TMC4: variants seen among roughly 807,000 people sequenced by gnomAD.
TMC4 encodes the protein voltage-gated chloride channel TMC4.
In TMC4, 70 loss-of-function variants were observed where a neutral mutation model predicts 82.0. The ratio of observed to expected loss-of-function variants is 0.85; its 90% confidence interval spans 0.70 to 1.04. TMC4 has a LOEUF of 1.04. Among genes scored for constraint, TMC4 ranks in the 50% least tolerant of loss-of-function variants. The probability of loss-of-function intolerance (pLI) is 0.00; values close to 1 mark genes in which losing one functional copy is unlikely to be tolerated. For missense variants in TMC4, 879 were observed against 899.0 expected (o/e 0.98, Z 0.28); for synonymous variants, 446 against 406.0 (o/e 1.10, Z -1.18).
Position 54,160,285 on chromosome 19 carries a change from G to C in TMC4, c.*21C>G, listed in dbSNP as rs377415602. 4.6e-6 allele frequency: 7 copies of C among 1,512,736 alleles called. No individual in the cohort carries two copies. In the African/African-American group the frequency reaches 9.8e-5, roughly 21 times the overall value. The allele number at this position is 1,512,736 out of a possible 1,614,324, so 93.7% of individuals were successfully genotyped here. On this transcript the variant is annotated 3_prime_UTR_variant, in exon 15 of 15. Coordinates refer to ENST00000619895, the MANE Select transcript of TMC4 (RefSeq NM_144686.4). Reference sequence around the variant, plus strand: ...CTTACAATGGGCCTGGGGTCTGAAAGCGGGACGTGGGCTGCGGGGGTCAAA... The same window carrying C: ...CTTACAATGGGCCTGGGGTCTGAAACCGGGACGTGGGCTGCGGGGGTCAAA...
intron 8 of TMC4, 184 bp from the exon 9 acceptor site, chr19:54,163,343 C>T: frequency 1.3e-6 from 1 of 791,874 alleles, no homozygotes; most frequent in Non-Finnish European, 1.9e-6. Flanking sequence ...CAGGGTCTCA[C>T]TCTGTCACCC....
chr19:54,161,304 G>A, intron 11 of TMC4, 44 bp from the exon 12 acceptor site: 5 of 1,366,404 alleles, frequency 3.7e-6, no homozygotes, highest in Non-Finnish European at 4.8e-6. Flanking sequence ...AAACACAAGA[G>A]TCTGTGCCTC....
chr19:54,163,206 T>G (rs779219774), intron 8 of TMC4, 47 bp from the exon 9 acceptor site: 3 of 1,609,906 alleles, frequency 1.9e-6, no homozygotes, highest in Non-Finnish European at 2.5e-6. Flanking sequence ...GTACCCACCA[T>G]GTGGCAGTTC....
intron 1 of TMC4, 33 bp downstream of exon 1, chr19:54,173,006 G>A (rs766679542): frequency 2.4e-5 from 39 of 1,592,384 alleles, no homozygotes; most frequent in Middle Eastern, 3.3e-4. Flanking sequence ...CCTGAAGGTC[G>A]GATGGATCTG....
rs2075948548 is a variant in TMC4 at position 54,172,984 on chromosome 19, A to T, written c.79+55T>A. On this transcript the variant is annotated intron_variant, in intron 1 of 14. Transcript: ENST00000619895. ...GCCTCCCCTTTCCTCCTCCAGCAGG[A>T]CTCCCACCTAGCCTGAAGGTCGGAT... The T allele has an allele frequency of 2.0e-6, 3 of 1,502,440 alleles. 1 individual carries two copies. The highest frequency in any genetic ancestry group is 1.8e-6 in the Non-Finnish European group (2 of 1,096,792). 93.1% of individuals were successfully genotyped at this position (1,502,440 alleles called of 1,614,324 possible).
At chr19:54,170,614 TTA>T (rs2075859895) in intron 2 of TMC4, among the ~76,000 whole-genome samples, 1 of 26,392 alleles carries the variant, frequency 3.8e-5, no homozygotes, top group Non-Finnish European at 7.8e-5. Flanking sequence ...TGTGTTTGTT[TTA>T]TTTTATTTTA....
In TMC4 at chr19:54,168,172, G is replaced by A. The variant is rs1338957454; in HGVS notation, c.796C>T (p.Arg266Cys). 5 of 1,602,934 alleles carry A rather than the reference G, an allele frequency of 3.1e-6. No individual in the cohort carries two copies. Among genetic ancestry groups the A allele is most frequent in the East Asian group, 2.2e-5 (1 of 44,464 alleles). The change falls in exon 5 of 15, where the codon CGC becomes TGC. Residue 266 changes from arginine (R) to cysteine (C), a missense_variant and splice_region_variant. Physicochemically the swap from Arg to Cys is radical, Grantham distance 180. Coordinates refer to ENST00000619895, the MANE Select transcript of TMC4 (RefSeq NM_144686.4). ...GTCAGGGGTGCAGGTGCCACTGACC[G>A]ATGCAGGATGAGCAGGAGGCAGATG... ...GLICLLLILH[R>C]SVSGLKQTLL...
Position 54,164,865 on chromosome 19 carries a change from G to A in TMC4, c.946-264C>T, listed in dbSNP as rs1446780664. 7.1e-6 allele frequency: 4 copies of A among 564,992 alleles called. No homozygotes were observed. In the East Asian group the frequency reaches 9.2e-5, roughly 13 times the overall value. 35.0% of individuals were successfully genotyped at this position (564,992 alleles called of 1,614,324 possible). A position where few individuals can be genotyped will look rare whatever the true frequency, so the allele number is the denominator to read the frequency against. ...TCAGCACCCCAGGCCCCGCCCCTGA[G>A]GCTCCGCCCAGCATCCCAAGACCCG... On this transcript the variant is annotated intron_variant, in intron 6 of 14. Transcript: ENST00000619895.
Position 54,165,502 on chromosome 19 carries a change from G to A in TMC4, c.862C>T (p.Arg288Trp), listed in dbSNP as rs781569973. Residue 288 changes from arginine to tryptophan, a missense_variant, in exon 6 of 15, where the codon CGG becomes TGG. Physicochemically the swap from Arg to Trp is moderately radical, Grantham distance 101 (BLOSUM62 -3). Transcript: ENST00000619895. Reference protein sequence around the residue: ...ESEALTSYSHRVFSAWDFGLC... With the variant: ...ESEALTSYSHWVFSAWDFGLC... ...CCGAAGTCCCAGGCCGAGAACACCCGGTGGCTGTAGCTGGTCAGAGCCTCG... is the reference window on the plus strand; with the variant it reads ...CCGAAGTCCCAGGCCGAGAACACCCAGTGGCTGTAGCTGGTCAGAGCCTCG... 6.2e-7 allele frequency: 1 copy of A among 1,612,852 alleles called. No individual in the cohort carries two copies. Among genetic ancestry groups the A allele is most frequent in the Admixed American group, 1.7e-5 (1 of 59,952 alleles).
chr19:54,166,147 G>T (rs1555822953), intron 5 of TMC4, among the ~76,000 whole-genome samples: 1 of 151,894 alleles, frequency 6.6e-6, no homozygotes, highest in Non-Finnish European at 1.5e-5. Flanking sequence ...GGGAGGCCGA[G>T]GGGGGAGGAT....
At chr19:54,164,832 G>A (rs1453980942) in intron 6 of TMC4, 4 of 602,638 alleles carry the variant, frequency 6.6e-6, no homozygotes, top group Non-Finnish European at 1.2e-5. Flanking sequence ...ATCCCTCCGC[G>A]GTCAATCTCA....
rs767545529 is a variant in TMC4, at chr19:54,163,638, A to G, written c.1277+86T>C. ...AATCCCTGGATTCGGTATCAGCAGGATTTCCGTGTCTTACCTGTCAGCGCC... is the reference window on the plus strand; with the variant it reads ...AATCCCTGGATTCGGTATCAGCAGGGTTTCCGTGTCTTACCTGTCAGCGCC... On this transcript the variant is annotated intron_variant, in intron 8 of 14. Transcript: ENST00000619895. 2.5e-5 allele frequency: 38 copies of G among 1,498,772 alleles called. No individual in the cohort carries two copies. In the Middle Eastern group the frequency reaches 5.1e-4, roughly 20 times the overall value. 92.8% of individuals were successfully genotyped at this position (1,498,772 alleles called of 1,614,324 possible). A position where few individuals can be genotyped will look rare whatever the true frequency, so the allele number is the denominator to read the frequency against.
chr19:54,160,338 C>T lies in TMC4; in HGVS notation c.2089G>A (p.Val697Met), dbSNP rs140744667. The part of the protein sequence containing the change: ...QNKVFLARRA[V>M]ALTSTKPAL ...GCCGGTTTGGTGGAGGTCAGCGCCA[C>T]AGCGCGCCGTGCCAGGAAGACTTTA... Residue 697 changes from valine to methionine, a missense_variant, in exon 15 of 15, where the codon GTG becomes ATG. Coordinates refer to ENST00000619895, the MANE Select transcript of TMC4 (RefSeq NM_144686.4). 1.4e-5 allele frequency: 22 copies of T among 1,523,622 alleles called. No homozygotes were observed. Among genetic ancestry groups the T allele is most frequent in the Non-Finnish European group, 1.8e-5 (21 of 1,136,344 alleles). The allele number at this position is 1,523,622 out of a possible 1,614,324, so 94.4% of individuals were successfully genotyped here.
At position 54,163,632 on chromosome 19, in the gene TMC4, A is replaced by G. The variant is rs761833595; in HGVS notation, c.1277+92T>C. The G allele has an allele frequency of 3.0e-5, 44 of 1,447,622 alleles. 2 individuals are homozygous for G. In the South Asian group the frequency reaches 4.2e-4, roughly 14 times the overall value. The allele number at this position is 1,447,622 out of a possible 1,614,324, so 89.7% of individuals were successfully genotyped here. On this transcript the variant is annotated intron_variant, in intron 8 of 14. Coordinates refer to ENST00000619895, the MANE Select transcript of TMC4 (RefSeq NM_144686.4). ...GATTTGAATCCCTGGATTCGGTATC[A>G]GCAGGATTTCCGTGTCTTACCTGTC...
At chr19:54,168,125 A>C (rs770761782) in intron 5 of TMC4, 46 bp downstream of exon 5, 15 of 1,558,144 alleles carry the variant, frequency 9.6e-6, no homozygotes, top group Non-Finnish European at 1.3e-5. Flanking sequence ...TTGCTTCCCC[A>C]CCCCAACCCG....
intron 3 of TMC4, among the ~76,000 whole-genome samples, chr19:54,169,126 T>C (rs1159471692): frequency 1.4e-5 from 2 of 144,756 alleles, no homozygotes; most frequent in Admixed American, 1.4e-4. Context: ...CTCCGCCTCC[T>C]GGGTTCAAGC....
chr19:54,165,554 C>G lies in TMC4; in HGVS notation c.810G>C (p.Gly270=). The part of the protein sequence containing the change: ...LLLILHRSVS[G]LKQTLLAESE... ...ACTCCGCCAGCAGTGTCTGCTTCAG[C>G]CCAGACACCGAGCTGAGAGGGGAGA... The change falls in exon 6 of 15, where the codon GGG becomes GGC. Residue 270 remains glycine, a synonymous_variant. Coordinates refer to ENST00000619895, the MANE Select transcript of TMC4 (RefSeq NM_144686.4). The G allele has an allele frequency of 1.2e-6, 2 of 1,607,462 alleles. No individual in the cohort carries two copies. Among genetic ancestry groups the G allele is most frequent in the Non-Finnish European group, 8.5e-7 (1 of 1,175,914 alleles).
At chr19:54,165,275 C>T (rs2146885888) in intron 6 of TMC4, 144 bp downstream of exon 6, 1 of 997,286 alleles carries the variant, frequency 1.0e-6, no homozygotes, top group East Asian at 2.7e-5. Flanking sequence ...TCAACCTTCT[C>T]ATTCCCCAGG....
In TMC4 at chr19:54,168,203, A is replaced by G. The variant is rs1343784719; in HGVS notation, c.765T>C (p.Val255=). The G allele has an allele frequency of 6.2e-7, 1 of 1,601,110 alleles. No homozygotes were observed. The highest frequency in any genetic ancestry group is 8.5e-7 in the Non-Finnish European group (1 of 1,173,750). The change falls in exon 5 of 15, where the codon GTT becomes GTC. Residue 255 remains valine (V), a synonymous_variant. Transcript: ENST00000619895. ...AVTYLCWAFA[V]GLICLLLILH... is the part of the protein sequence containing the mutation. ...GGATGAGCAGGAGGCAGATGAGGCCAACGGCAAAGGCCCAGCACAGGTAGG... is the reference window on the plus strand; with the variant it reads ...GGATGAGCAGGAGGCAGATGAGGCCGACGGCAAAGGCCCAGCACAGGTAGG...
Sources: gnomAD v4.1 joint callset for allele counts (sites outside exome capture counted in the v4.1 genomes callset) on GRCh38, gnomAD v4.1.1 for gene constraint, MANE v1.5 for transcripts, NCBI Gene and HGNC (gene_info 2026-07-23, HGNC 2026-07-21) for gene names.